The following VSTM2L variants were observed in gnomAD, a reference collection of about 807,000 sequenced individuals.
VSTM2L encodes V-set and transmembrane domain containing 2 like, also known as V-set and transmembrane domain-containing protein 2-like protein.
Under a neutral mutation model 19.9 loss-of-function variants are expected in VSTM2L, and 9 were observed. The ratio of observed to expected loss-of-function variants is 0.45; its 90% confidence interval spans 0.27 to 0.79. The LOEUF (loss-of-function observed/expected upper bound fraction) is 0.79, where lower values mean the gene tolerates loss of function less well. Ranked by LOEUF, VSTM2L falls within the 30% of genes least tolerant of loss-of-function variation. VSTM2L has a pLI of 0.15. For synonymous variants in VSTM2L, 127 were observed against 133.8 expected (o/e 0.95, Z 0.35); for missense variants, 286 against 295.5 (o/e 0.97, Z 0.24).
intron 1 of VSTM2L, among the ~76,000 whole-genome samples, chr20:37,925,958 A>T (rs2122960690): frequency 6.6e-6 from 1 of 152,326 alleles, no homozygotes; most frequent in South Asian, 2.1e-4. Context: ...AGCTGGGTGA[A>T]ATGCCTCTGC....
chr20:37,936,824 T>C (rs2072943508), intron 3 of VSTM2L, among the ~76,000 whole-genome samples: 1 of 152,152 alleles, frequency 6.6e-6, no homozygotes, highest in African/African-American at 2.4e-5. Flanking sequence ...GATTAGGCTA[T>C]GTGAGTGACA....
At chr20:37,937,957 A>C (rs1225892791) in intron 3 of VSTM2L, among the ~76,000 whole-genome samples, 1 of 152,206 alleles carries the variant, frequency 6.6e-6, no homozygotes, top group East Asian at 1.9e-4. Context: ...GTGGCCGATG[A>C]GGCTGAGGGG....
intron 1 of VSTM2L, among the ~76,000 whole-genome samples, chr20:37,917,744 T>G (rs898801671): frequency 5.3e-5 from 8 of 152,174 alleles, no homozygotes; most frequent in African/African-American, 9.7e-5. Flanking sequence ...TTCCTGTGGG[T>G]AGAGCACAGT....
In VSTM2L at chr20:37,910,303, G is replaced by A. The variant is rs546433904; in HGVS notation, c.121+6832G>A. ...AAGGACATAATAGCGCAGGCGGTGC[G>A]TGGGCATGTCCGTGGGGATCCACAG... On this transcript the variant is annotated intron_variant, in intron 1 of 3. Coordinates refer to ENST00000373461, the MANE Select transcript of VSTM2L (RefSeq NM_080607.3). Among the ~76,000 whole-genome samples, 6 of 152,336 alleles carry A rather than the reference G, an allele frequency of 3.9e-5. No individual in the cohort carries two copies. In the South Asian group the frequency reaches 6.2e-4, roughly 16 times the overall value.
rs2072909827 is a variant in VSTM2L at position 37,931,635 on chromosome 20, C to T, written c.122C>T (p.Ala41Val). 3 of 1,611,956 alleles carry T rather than the reference C, an allele frequency of 1.9e-6. No individual in the cohort carries two copies. The highest frequency in any genetic ancestry group is 2.5e-6 in the Non-Finnish European group (3 of 1,179,636). ...APWDNHVSGHALFTETPHDMT... is the reference protein window; with the variant it reads ...APWDNHVSGHVLFTETPHDMT... ...ATTCTTCCCCCTGTTTCTTGCACAG[C>T]CCTGTTCACAGAGACACCCCATGAC... Residue 41 changes from alanine (A) to valine (V), a missense_variant and splice_region_variant, in exon 2 of 4, where the codon GCC (alanine) becomes GTC (valine). Coordinates refer to ENST00000373461, the MANE Select transcript of VSTM2L (RefSeq NM_080607.3).
intron 3 of VSTM2L, 63 bp from the exon 4 acceptor site, chr20:37,943,918 C>CGGCGCGG: frequency 1.1e-6 from 1 of 871,874 alleles, no homozygotes; most frequent in Non-Finnish European, 1.5e-6. Context: ...ACCCCCCCCC[C>CGGCGCGG]CGACTCTTCT....
intron 1 of VSTM2L, among the ~76,000 whole-genome samples, chr20:37,920,812 A>G (rs1342025044): frequency 1.3e-5 from 2 of 152,264 alleles, no homozygotes; most frequent in African/African-American, 4.8e-5. Flanking sequence ...GAACTGGATG[A>G]ATGAATGAAT....
At chr20:37,912,318 G>C (rs1398765814) in intron 1 of VSTM2L, among the ~76,000 whole-genome samples, 4 of 152,264 alleles carry the variant, frequency 2.6e-5, no homozygotes, top group Admixed American at 1.3e-4. Context: ...ACAGGGGTCA[G>C]TGATGCCAAA....
rs967082812 is a variant in VSTM2L at position 37,903,381 on chromosome 20, G to T, written c.31G>T (p.Ala11Ser). Residue 11 changes from alanine to serine, a missense_variant, in exon 1 of 4, where the codon GCC (alanine) becomes TCC (serine). Physicochemically the swap from Ala to Ser is moderately conservative, Grantham distance 99 (BLOSUM62 1). Transcript: ENST00000373461. ...GGCCCCGCTCGCCGTAGCGCTGGGC[G>T]CCCTCCACTACCTGGCACTTTTCCT... The part of the protein sequence containing the change: MGAPLAVALG[A>S]LHYLALFLQL... 8.8e-6 allele frequency: 13 copies of T among 1,483,242 alleles called. No individual in the cohort carries two copies. The highest frequency in any genetic ancestry group is 1.2e-5 in the Non-Finnish European group (13 of 1,123,136). The allele number at this position is 1,483,242 out of a possible 1,614,324, so 91.9% of individuals were successfully genotyped here.
At chr20:37,909,341 G>A (rs548589840) in intron 1 of VSTM2L, among the ~76,000 whole-genome samples, 2 of 152,314 alleles carry the variant, frequency 1.3e-5, no homozygotes, top group East Asian at 3.9e-4. Flanking sequence ...ACCAGCTGCT[G>A]ATGGTGTTGT....
intron 3 of VSTM2L, among the ~76,000 whole-genome samples, chr20:37,935,922 T>G (rs1264715590): frequency 6.7e-6 from 1 of 150,370 alleles, no homozygotes; most frequent in African/African-American, 2.5e-5. Context: ...TTCACTGTTG[T>G]CACCCAGGCT....
intron 1 of VSTM2L, among the ~76,000 whole-genome samples, chr20:37,913,946 A>T (rs2072794847): frequency 6.6e-6 from 1 of 151,878 alleles, no homozygotes; most frequent in Non-Finnish European, 1.5e-5. Flanking sequence ...GGAGATGGGG[A>T]GCTGAAGCAG....
At chr20:37,937,601 C>T (rs2072947858) in intron 3 of VSTM2L, among the ~76,000 whole-genome samples, 1 of 152,210 alleles carries the variant, frequency 6.6e-6, no homozygotes, top group Admixed American at 6.5e-5. Context: ...CACAAATACC[C>T]TCCTTCCTGG....
Position 37,944,610 on chromosome 20 carries a change from C to T in VSTM2L, c.*357C>T. 1.9e-6 allele frequency: 2 copies of T among 1,049,820 alleles called. No individual in the cohort carries two copies. Among genetic ancestry groups the T allele is most frequent in the Non-Finnish European group, 1.1e-6 (1 of 872,774 alleles). The allele number at this position is 1,049,820 out of a possible 1,614,324, so 65.0% of individuals were successfully genotyped here. A position where few individuals can be genotyped will look rare whatever the true frequency, so the allele number is the denominator to read the frequency against. Reference sequence around the variant, plus strand: ...TTTGCTTGCTTGTCCCCCATCCTGTCCTGAGCCGGGGCCCCCCAGCCTCGC... The same window carrying T: ...TTTGCTTGCTTGTCCCCCATCCTGTTCTGAGCCGGGGCCCCCCAGCCTCGC... On this transcript the variant is annotated 3_prime_UTR_variant, in exon 4 of 4. Coordinates refer to ENST00000373461, the MANE Select transcript of VSTM2L (RefSeq NM_080607.3).
intron 1 of VSTM2L, among the ~76,000 whole-genome samples, chr20:37,920,129 A>G (rs2122953215): frequency 6.6e-6 from 1 of 152,288 alleles, no homozygotes; most frequent in African/African-American, 2.4e-5. Context: ...TGTCTTCATC[A>G]CTGCAACAAC....
At chr20:37,904,564 T>A (rs1031007381) in intron 1 of VSTM2L, among the ~76,000 whole-genome samples, 4 of 152,178 alleles carry the variant, frequency 2.6e-5, no homozygotes. Context: ...CGAGCATAGA[T>A]GAAACCAAAG....
chr20:37,931,900 G>A (rs895087461), intron 2 of VSTM2L, 96 bp downstream of exon 2: 27 of 1,357,406 alleles, frequency 2.0e-5, no homozygotes, highest in Non-Finnish European at 2.5e-5. Flanking sequence ...TGAGGGATAT[G>A]GGCTCCAACG....
chr20:37,921,808 TTTTCTTTCTCTC>T (rs2072852654), intron 1 of VSTM2L, among the ~76,000 whole-genome samples: 1 of 150,832 alleles, frequency 6.6e-6, no homozygotes, highest in Non-Finnish European at 1.5e-5. Context: ...GGGATTTTTG[TTTTCTTTCTCTC>T]TTTCTTTCTT....
intron 3 of VSTM2L, among the ~76,000 whole-genome samples, chr20:37,943,601 A>C (rs2072986665): frequency 6.6e-6 from 1 of 151,924 alleles, no homozygotes; most frequent in African/African-American, 2.4e-5. Context: ...CACCCGGAAG[A>C]CCCCAAAACC....
Sources: allele counts gnomAD v4.1 joint callset (sites outside exome capture counted in the v4.1 genomes callset), GRCh38; gene constraint gnomAD v4.1.1; transcripts MANE v1.5; gene names NCBI Gene and HGNC (gene_info 2026-07-23, HGNC 2026-07-21).